PACS2: variants seen among roughly 807,000 people sequenced by gnomAD.
PACS2 encodes PACS1-like protein.
PACS2 carries 36 observed loss-of-function variants against 113.0 expected under a neutral mutation model. That is an observed-to-expected ratio of 0.32 (90% CI 0.24 to 0.42). The LOEUF is 0.42. PACS2 is among the 10% of genes least tolerant of loss of function. The probability of loss-of-function intolerance (pLI) is 1.00; values close to 1 mark genes in which losing one functional copy is unlikely to be tolerated. For synonymous variants in PACS2, 589 were observed against 536.1 expected, an observed-to-expected ratio of 1.10 and a Z score of -1.36; for missense variants, 1,015 against 1,239.5, an observed-to-expected ratio of 0.82 and a Z score of 2.72.
rs587637799 is a variant in PACS2, at chr14:105,354,596, G to A, written c.298-456G>A. Among the ~76,000 whole-genome samples, 1 of 152,226 alleles carries A rather than the reference G, an allele frequency of 6.6e-6. No homozygotes were observed. The highest frequency in any genetic ancestry group is 6.5e-5 in the Admixed American group (1 of 15,284). On this transcript the variant is annotated intron_variant, in intron 3 of 24. Coordinates refer to ENST00000447393, the MANE Select transcript of PACS2 (RefSeq NM_001100913.3). The surrounding 1 kb of genome is among the most constrained non-coding windows in gnomAD (Gnocchi z 4.2). Reference sequence around the variant, plus strand: ...CTGGACAGGGAGCCTGTGGTGAGACGTGCAGGCGAGTTGGGTGAACAGGGG... The same window carrying A: ...CTGGACAGGGAGCCTGTGGTGAGACATGCAGGCGAGTTGGGTGAACAGGGG...
intron 1 of PACS2, among the ~76,000 whole-genome samples, chr14:105,331,068 C>T (rs2059288679): frequency 6.6e-6 from 1 of 151,942 alleles, no homozygotes; most frequent in South Asian, 2.1e-4. Flanking sequence ...GATTCTCCTG[C>T]CTCAGCCTCC....
intron 1 of PACS2, chr14:105,301,003 C>T (rs1028534608): frequency 1.3e-5 from 2 of 152,774 alleles, no homozygotes; most frequent in Non-Finnish European, 2.9e-5. Context: ...AGGACTGGCG[C>T]TTGGGGGCGG....
chr14:105,384,279 G>C, intron 16 of PACS2, 74 bp from the exon 17 acceptor site: 1 of 883,516 alleles, frequency 1.1e-6, no homozygotes, highest in East Asian at 2.5e-5. Context: ...GGGTGGCCCA[G>C]CTTTTGTGCC....
At position 105,395,332 on chromosome 14, in the gene PACS2, C is replaced by CA; in HGVS notation, c.*661dup. 1 of 152,364 alleles carries CA rather than the reference C, an allele frequency of 6.6e-6. No individual in the cohort carries two copies. Among genetic ancestry groups the CA allele is most frequent in the Non-Finnish European group, 1.5e-5 (1 of 68,160 alleles). The allele number at this position is 152,364 out of a possible 1,614,324, so 9.4% of individuals were successfully genotyped here. On this transcript the variant is annotated 3_prime_UTR_variant, in exon 25 of 25. Transcript: ENST00000447393. The stretch of plus-strand genomic sequence containing the variant: ...GCCCCCACTTCCCCAGCCCCTGCCC[C>CA]ACCCCGCCTCACACCTTCCCCACTC...
chr14:105,392,014 G>T, intron 22 of PACS2: 1 of 540,792 alleles, frequency 1.8e-6, no homozygotes, highest in South Asian at 2.4e-5. Context: ...CGTTGTGCTG[G>T]GCTGTCTCTC....
In PACS2 at chr14:105,358,785, A is replaced by G. The variant is rs587666635; in HGVS notation, c.423+3608A>G. Among the ~76,000 whole-genome samples, 1 of 152,270 alleles carries G rather than the reference A, an allele frequency of 6.6e-6. No homozygotes were observed. The highest frequency in any genetic ancestry group is 2.1e-4 in the South Asian group (1 of 4,822). ...GGGACCTGTGAGGGGCGGGCGGCTC[A>G]TGGTGGGACACAGGAAGACCTCAGG... On this transcript the variant is annotated intron_variant, in intron 4 of 24. Transcript: ENST00000447393. This position sits in a 1 kb window ranked among gnomAD's most constrained non-coding sequence, Gnocchi z 4.9.
chr14:105,382,875 G>A lies in PACS2; in HGVS notation c.1587G>A (p.Gln529=). The stretch of plus-strand genomic sequence containing the variant: ...GCACGTGCTCTCCTGCGGACGTCCA[G>A]GCGGCCTTCAGCACCATCGTCTCAC... ...VVCTCSPADV[Q]AAFSTIVSRI... The change falls in exon 15 of 25, where the codon CAG becomes CAA. Residue 529 remains glutamine, a synonymous_variant. Transcript: ENST00000447393. The A allele has an allele frequency of 1.2e-6, 2 of 1,607,378 alleles. No homozygotes were observed. Among genetic ancestry groups the A allele is most frequent in the Non-Finnish European group, 1.7e-6 (2 of 1,179,270 alleles).
intron 1 of PACS2, among the ~76,000 whole-genome samples, chr14:105,332,780 C>T (rs920621472): frequency 6.6e-6 from 1 of 152,184 alleles, no homozygotes; most frequent in African/African-American, 2.4e-5. Flanking sequence ...CCTCTCCTGC[C>T]CCCAGGGGCC....
In PACS2 at chr14:105,384,378, A is replaced by G; in HGVS notation, c.1806A>G (p.Leu602=). ...GCTCCCACCCCGTGGCCAGGTACCT[A>G]GGCTCCGTGGACTACCGCTACAACA... ...PLGSHPVARY[L]GSVDYRYNNF... is the part of the protein sequence containing the mutation. Residue 602 remains leucine (L), a synonymous_variant, in exon 17 of 25, where the codon CTA becomes CTG. Transcript: ENST00000447393. The G allele has an allele frequency of 8.1e-6, 13 of 1,611,718 alleles. No homozygotes were observed. The highest frequency in any genetic ancestry group is 1.1e-5 in the South Asian group (1 of 91,050).
intron 8 of PACS2, among the ~76,000 whole-genome samples, chr14:105,375,389 A>C (rs1250985777): frequency 6.6e-6 from 1 of 150,930 alleles, no homozygotes; most frequent in Non-Finnish European, 1.5e-5. Context: ...GAGGCCGGAG[A>C]ATGGCGTGAA....
intron 1 of PACS2, among the ~76,000 whole-genome samples, chr14:105,318,380 A>T (rs1319741667): frequency 6.6e-6 from 1 of 152,200 alleles, no homozygotes; most frequent in Non-Finnish European, 1.5e-5. Context: ...ACCTGGGCTC[A>T]AGCAGTCCTC....
At chr14:105,303,831 G>T (rs2058100372) in intron 1 of PACS2, among the ~76,000 whole-genome samples, 1 of 152,196 alleles carries the variant, frequency 6.6e-6, no homozygotes, top group Non-Finnish European at 1.5e-5. Context: ...TGTCCATGAT[G>T]ACATTTCATC....
At chr14:105,361,422 A>G (rs1054638582) in intron 4 of PACS2, among the ~76,000 whole-genome samples, 5 of 152,244 alleles carry the variant, frequency 3.3e-5, no homozygotes, top group Non-Finnish European at 7.3e-5. Flanking sequence ...GGATTACCTG[A>G]GGTCAGGAGT....
intron 19 of PACS2, among the ~76,000 whole-genome samples, chr14:105,386,895 C>A (rs1238296610): frequency 2.6e-5 from 4 of 152,212 alleles, no homozygotes; most frequent in Non-Finnish European, 4.4e-5. Context: ...GCCCTTGCCC[C>A]CTGGCTGTGG....
rs987802752 is a variant in PACS2 at position 105,397,985 on chromosome 14, T to G, written c.*3313T>G. The G allele has an allele frequency of 2.0e-5, 3 of 152,260 alleles. No individual in the cohort carries two copies. The highest frequency in any genetic ancestry group is 7.2e-5 in the African/African-American group (3 of 41,460). The allele number at this position is 152,260 out of a possible 1,614,324, so 9.4% of individuals were successfully genotyped here. Reference sequence around the variant, plus strand: ...CTGCAGACCCCCATGCGGTTCATTGTGCATTGTTTGGTTTCTAGGATGTAT... The same window carrying G: ...CTGCAGACCCCCATGCGGTTCATTGGGCATTGTTTGGTTTCTAGGATGTAT... On this transcript the variant is annotated 3_prime_UTR_variant, in exon 25 of 25. Transcript: ENST00000447393.
chr14:105,355,272 G>C lies in PACS2; in HGVS notation c.423+95G>C, dbSNP rs1235586343. The C allele has an allele frequency of 1.4e-6, 2 of 1,381,852 alleles. No homozygotes were observed. The highest frequency in any genetic ancestry group is 2.4e-5 in the East Asian group (1 of 42,064). 85.6% of individuals were successfully genotyped at this position (1,381,852 alleles called of 1,614,324 possible). On this transcript the variant is annotated intron_variant, in intron 4 of 24. Coordinates refer to ENST00000447393, the MANE Select transcript of PACS2 (RefSeq NM_001100913.3). This position sits in a 1 kb window ranked among gnomAD's most constrained non-coding sequence, Gnocchi z 4.1. Reference sequence around the variant, plus strand: ...GATGGAGATGTCTCTCCCGGGTCCAGATGTCCAGGGATCAGGTGAAAATGA... The same window carrying C: ...GATGGAGATGTCTCTCCCGGGTCCACATGTCCAGGGATCAGGTGAAAATGA...
At chr14:105,305,405 G>GA (rs1179870907) in intron 1 of PACS2, among the ~76,000 whole-genome samples, 1 of 151,494 alleles carries the variant, frequency 6.6e-6, no homozygotes, top group East Asian at 1.9e-4. Flanking sequence ...CTGTCTCAAA[G>GA]AAAAAAGAAA....
chr14:105,394,602 C>T lies in PACS2; in HGVS notation c.2645C>T (p.Ala882Val). The change falls in exon 25 of 25, where the codon GCC becomes GTC. Residue 882 changes from alanine to valine, a missense_variant. By Grantham distance (64) the Ala-to-Val change is moderately conservative. Transcript: ENST00000447393. ...AGCGACGTCAAGTTCTTCCAGCTGG[C>T]CGCGCAGTGGTCCTCGCACGTGAAG... is the stretch of plus-strand genomic sequence containing the variant. ...ECSDVKFFQLAAQWSSHVKHF... is the reference protein window; with the variant it reads ...ECSDVKFFQLVAQWSSHVKHF... 1.2e-6 allele frequency: 2 copies of T among 1,613,418 alleles called. No homozygotes were observed. The highest frequency in any genetic ancestry group is 1.7e-6 in the Non-Finnish European group (2 of 1,179,974).
At chr14:105,377,096 GC>G (rs2080811470) in intron 9 of PACS2, among the ~76,000 whole-genome samples, 171 bp downstream of exon 9, 1 of 152,196 alleles carries the variant, frequency 6.6e-6, no homozygotes, top group African/African-American at 2.4e-5. Flanking sequence ...CGGCTGCCTG[GC>G]AGGCCCAGGC....
Sources: allele counts gnomAD v4.1 joint callset (sites outside exome capture counted in the v4.1 genomes callset), GRCh38; gene constraint gnomAD v4.1.1; non-coding constraint Gnocchi (gnomAD v3.1); transcripts MANE v1.5; gene names NCBI Gene and HGNC (gene_info 2026-07-23, HGNC 2026-07-21).